NOTCH3: variants seen among roughly 807,000 people sequenced by gnomAD.
NOTCH3 encodes the protein neurogenic locus notch homolog protein 3.
NOTCH3 carries 86 observed loss-of-function variants against 213.3 expected under a neutral mutation model. The observed-to-expected ratio is 0.40, with a 90% CI of 0.34 to 0.48. The LOEUF (loss-of-function observed/expected upper bound fraction) is 0.48. NOTCH3 is among the 20% of genes least tolerant of loss of function. The probability of loss-of-function intolerance (pLI) is 0.57; values close to 1 mark genes in which losing one functional copy is unlikely to be tolerated. For missense variants in NOTCH3, 2,783 were observed against 3,272.6 expected (o/e 0.85, Z 3.65); for synonymous variants, 1,354 against 1,355.9 (o/e 1.00, Z 0.03).
At chr19:15,193,318 CCT>C (rs1160525769) in intron 2 of NOTCH3, among the ~76,000 whole-genome samples, 1 of 151,604 alleles carries the variant, frequency 6.6e-6, no homozygotes, top group Non-Finnish European at 1.5e-5. Context: ...CTCACTGCAA[CCT>C]CCACCTCCCG....
At chr19:15,197,393 G>C (rs559537426) in intron 2 of NOTCH3, 107 bp downstream of exon 2, 1 of 1,012,002 alleles carries the variant, frequency 9.9e-7, no homozygotes, top group African/African-American at 1.6e-5. Flanking sequence ...TGTAGGAAGT[G>C]GTAGAGACAT....
rs2046840530 is a variant in NOTCH3, at chr19:15,181,425, C to G, written c.2792+151G>C. 12 of 714,952 alleles carry G rather than the reference C, an allele frequency of 1.7e-5. No homozygotes were observed. In the South Asian group the frequency reaches 2.2e-4, roughly 13 times the overall value. 44.3% of individuals were successfully genotyped at this position (714,952 alleles called of 1,614,324 possible). On this transcript the variant is annotated intron_variant, in intron 17 of 32. Transcript: ENST00000263388. The stretch of plus-strand genomic sequence containing the variant: ...GTGAGCTCCAAACAGACGCCCTGCT[C>G]CTTCCCTGGCCCTGCCCCATCAGTC...
At chr19:15,178,799 C>T (rs771709634) in intron 23 of NOTCH3, 24 bp downstream of exon 23, 17 of 1,545,462 alleles carry the variant, frequency 1.1e-5, no homozygotes, top group Non-Finnish European at 1.4e-5. Context: ...TACTCCTCCT[C>T]CAAAGGCCGC....
intron 24 of NOTCH3, among the ~76,000 whole-genome samples, chr19:15,176,515 C>T (rs923762462): frequency 5.3e-5 from 8 of 152,054 alleles, no homozygotes; most frequent in Admixed American, 1.3e-4. Flanking sequence ...AATCCCAGCA[C>T]TTTGAGAGGC....
chr19:15,180,994 G>T lies in NOTCH3; in HGVS notation c.2961C>A (p.Thr987=). The T allele has an allele frequency of 6.3e-7, 1 of 1,597,906 alleles. No homozygotes were observed. Residue 987 remains threonine, a synonymous_variant, in exon 18 of 33, where the codon ACC becomes ACA. Transcript: ENST00000263388. ...GCGGGCCCGTGAAGCTCTCGAGGCAGGTGCAGCGGAAGCCAGGGTGGGCGG... is the reference window on the plus strand; with the variant it reads ...GCGGGCCCGTGAAGCTCTCGAGGCATGTGCAGCGGAAGCCAGGGTGGGCGG... The part of the protein sequence containing the change: ...CSAAHPGFRC[T]CLESFTGPQC...
chr19:15,188,278 G>T lies in NOTCH3; in HGVS notation c.1449C>A (p.Val483=), dbSNP rs753686828. The change falls in exon 9 of 33, where the codon GTC becomes GTA. Residue 483 remains valine (V), a synonymous_variant. Transcript: ENST00000263388. ...CQSSPCVNGG[V]CKDRVNGFSC... The stretch of plus-strand genomic sequence containing the variant: ...TGAAGCCATTGACTCGGTCCTTGCA[G>T]ACCCCACCGTTGACACAGGGGCTAC... 6.2e-7 allele frequency: 1 copy of T among 1,606,472 alleles called. No homozygotes were observed.
chr19:15,178,475 C>A, intron 23 of NOTCH3: 1 of 446,174 alleles, frequency 2.2e-6, no homozygotes, highest in Non-Finnish European at 4.2e-6. Flanking sequence ...ACCTCCGCCT[C>A]CCGGGTTCAA....
At chr19:15,161,982 C>CTTTTTTTTTTT (rs71168583) in intron 32 of NOTCH3, among the ~76,000 whole-genome samples, 1 of 114,712 alleles carries the variant, frequency 8.7e-6, no homozygotes, top group Non-Finnish European at 1.7e-5. Flanking sequence ...TTTTTCTTGT[C>CTTTTTTTTTTT]TTTTTTTTTT....
chr19:15,195,458 C>T lies in NOTCH3; in HGVS notation c.197+2042G>A, dbSNP rs1434812009. Among the ~76,000 whole-genome samples, 10 of 151,000 alleles carry T rather than the reference C, an allele frequency of 6.6e-5. No homozygotes were observed. In the East Asian group the frequency reaches 1.6e-3, roughly 24 times the overall value. ...CGCCCCCCGACGCTGCCAACCCTCACCCCCCTCTATCCCCCCACCCTCCGC... is the reference window on the plus strand; with the variant it reads ...CGCCCCCCGACGCTGCCAACCCTCATCCCCCTCTATCCCCCCACCCTCCGC... On this transcript the variant is annotated intron_variant, in intron 2 of 32. Coordinates refer to ENST00000263388, the MANE Select transcript of NOTCH3 (RefSeq NM_000435.3).
chr19:15,161,307 G>A lies in NOTCH3; in HGVS notation c.6321C>T (p.Ser2107=), dbSNP rs1362262402. ...CAGGGGGCCCACCGAAAGGCCGCGGGGAGTCCAGCGAGTCCACGGGCGACA... is the reference window on the plus strand; with the variant it reads ...CAGGGGGCCCACCGAAAGGCCGCGGAGAGTCCAGCGAGTCCACGGGCGACA... The part of the protein sequence containing the change: ...VTLSPVDSLD[S]PRPFGGPPAS... The change falls in exon 33 of 33, where the codon TCC becomes TCT. Residue 2107 remains serine (S), a synonymous_variant. Transcript: ENST00000263388. The A allele has an allele frequency of 2.6e-6, 4 of 1,530,748 alleles. No individual in the cohort carries two copies. Among genetic ancestry groups the A allele is most frequent in the East Asian group, 2.3e-5 (1 of 42,784 alleles). 94.8% of individuals were successfully genotyped at this position (1,530,748 alleles called of 1,614,324 possible).
In NOTCH3 at chr19:15,187,951, G is replaced by A. The variant is rs1458648879; in HGVS notation, c.1536C>T (p.Ala512=). The change falls in exon 10 of 33, where the codon GCC becomes GCT. Residue 512 remains alanine (A), a synonymous_variant. Coordinates refer to ENST00000263388, the MANE Select transcript of NOTCH3 (RefSeq NM_000435.3). ...TGGCGCCATTCCTGCAGGGCGTGCT[G>A]GCGCATTCGTCCACGTCCAGCTGAC... The part of the protein sequence containing the change: ...STCQLDVDEC[A]STPCRNGAKC... 3 of 1,550,684 alleles carry A rather than the reference G, an allele frequency of 1.9e-6. No individual in the cohort carries two copies. The highest frequency in any genetic ancestry group is 1.4e-5 in the African/African-American group (1 of 73,160).
rs1483614058 is a variant in NOTCH3, at chr19:15,181,754, A to G, written c.2614T>C (p.Ser872Pro). 6.4e-7 allele frequency: 1 copy of G among 1,573,406 alleles called. No individual in the cohort carries two copies. The highest frequency in any genetic ancestry group is 8.6e-7 in the Non-Finnish European group (1 of 1,159,000). Residue 872 changes from serine (S) to proline (P), a missense_variant, in exon 17 of 33, where the codon TCC becomes CCC. This residue lies in a region of NOTCH3 where 861 missense variants were observed against 909.1 expected (regional missense o/e 0.95). Coordinates refer to ENST00000263388, the MANE Select transcript of NOTCH3 (RefSeq NM_000435.3). ...GSCQDGVGSF[S>P]CSCLPGFAGP... ...GCGAAACCAGGGAGGCAGGAGCAGG[A>G]AAAGGAGCCCACGCCGTCTTGGCAC... is the stretch of plus-strand genomic sequence containing the variant.
rs543132032 is a variant in NOTCH3, at chr19:15,185,705, C to T, written c.1952-26G>A. ...CTGGGGAGTACACAAGCAATCTCAT[C>T]TCAGAACAAAGTCAGCAGGGACAAC... On this transcript the variant is annotated intron_variant, in intron 12 of 32. Coordinates refer to ENST00000263388, the MANE Select transcript of NOTCH3 (RefSeq NM_000435.3). The surrounding 1 kb of genome is among the most constrained non-coding windows in gnomAD (Gnocchi z 4.2). 6.2e-6 allele frequency: 10 copies of T among 1,611,430 alleles called. No individual in the cohort carries two copies. The East Asian group carries it at 2.2e-4, about 36-fold the overall frequency.
At chr19:15,194,516 G>A (rs1462189461) in intron 2 of NOTCH3, among the ~76,000 whole-genome samples, 1 of 152,178 alleles carries the variant, frequency 6.6e-6, no homozygotes, top group Admixed American at 6.6e-5. Context: ...AGCAGCCGTA[G>A]GAAGCTAAAC....
chr19:15,189,886 T>C (rs889904137), intron 6 of NOTCH3, among the ~76,000 whole-genome samples: 1 of 152,198 alleles, frequency 6.6e-6, no homozygotes, highest in Non-Finnish European at 1.5e-5. Context: ...ATGAGAACTA[T>C]CAAACATACA....
chr19:15,164,554 T>TAAAAAA lies in NOTCH3; in HGVS notation c.5815+808_5815+813dup, dbSNP rs1568347033. 1.4e-4 allele frequency among the ~76,000 whole-genome samples: 17 copies of TAAAAAA among 119,450 alleles called. 3 individuals are homozygous for TAAAAAA. The highest frequency in any genetic ancestry group is 1.9e-4 in the Non-Finnish European group (11 of 59,134). The allele number at this position is 119,450 out of a possible 152,430, so 78.4% of individuals were successfully genotyped here. On this transcript the variant is annotated intron_variant, in intron 31 of 32. Transcript: ENST00000263388. ...GAGACTCTGTCTCAAAAAAAAAAAT[T>TAAAAAA]AAAAAAAGGGCAACATAAGGAGAAA...
In NOTCH3 at chr19:15,197,455, C is replaced by T. The variant is rs373213849; in HGVS notation, c.197+45G>A. On this transcript the variant is annotated intron_variant, in intron 2 of 32. Transcript: ENST00000263388. Reference sequence around the variant, plus strand: ...GAAGACAAATCGCCCCTCCCCCCCGCCCCCACACACAGGGCCCACTGGTGG... The same window carrying T: ...GAAGACAAATCGCCCCTCCCCCCCGTCCCCACACACAGGGCCCACTGGTGG... The T allele has an allele frequency of 2.2e-4, 238 of 1,085,128 alleles. 2 individuals carry two copies. The highest frequency in any genetic ancestry group is 2.1e-4 in the Admixed American group (12 of 55,892). The allele number at this position is 1,085,128 out of a possible 1,614,324, so 67.2% of individuals were successfully genotyped here. A position where few individuals can be genotyped will look rare whatever the true frequency, so the allele number is the denominator to read the frequency against.
At position 15,165,419 on chromosome 19, in the gene NOTCH3, C is replaced by T. The variant is rs114813086; in HGVS notation, c.5764G>A (p.Val1922Met). 1 of 1,611,648 alleles carries T rather than the reference C, an allele frequency of 6.2e-7. No individual in the cohort carries two copies. Among genetic ancestry groups the T allele is most frequent in the Non-Finnish European group, 8.5e-7 (1 of 1,180,020 alleles). Residue 1922 changes from valine (V) to methionine (M), a missense_variant, in exon 31 of 33, where the codon GTG (valine) becomes ATG (methionine). Val to Met is a conservative substitution (Grantham distance 21). Transcript: ENST00000263388. The surrounding 1 kb of genome is among the most constrained non-coding windows in gnomAD (Gnocchi z 4.7). The stretch of plus-strand genomic sequence containing the variant: ...GCATGGCTGGCGATGAGCTCTTCCA[C>T]CATGCCCTCTACTGCCAGGCGGGCC... ...LAARLAVEGM[V>M]EELIASHADV...
chr19:15,181,142 G>C lies in NOTCH3; in HGVS notation c.2813C>G (p.Thr938Ser). 1 of 1,607,940 alleles carries C rather than the reference G, an allele frequency of 6.2e-7. No individual in the cohort carries two copies. Among genetic ancestry groups the C allele is most frequent in the South Asian group, 1.1e-5 (1 of 90,268 alleles). Residue 938 changes from threonine (T) to serine (S), a missense_variant, in exon 18 of 33, where the codon ACC (threonine) becomes AGC (serine). Transcript: ENST00000263388. Reference protein sequence around the residue: ...CSPSSCFNGGTCVDGVNSFSC... With the variant: ...CSPSSCFNGGSCVDGVNSFSC... ...GAACGAGTTCACGCCGTCCACACAG[G>C]TCCCGCCATTGAAGCAGGAGCTGGA...
Sources: allele counts gnomAD v4.1 joint callset (sites outside exome capture counted in the v4.1 genomes callset), GRCh38; gene constraint gnomAD v4.1.1; regional missense constraint gnomAD v4.1.1; non-coding constraint Gnocchi (gnomAD v3.1); transcripts MANE v1.5; gene names NCBI Gene and HGNC (gene_info 2026-07-23, HGNC 2026-07-21).